The following CDKAL1 variants were observed in gnomAD, a reference collection of about 807,000 sequenced individuals.
The protein encoded by CDKAL1 is CDKAL1 threonylcarbamoyladenosine tRNA methylthiotransferase.
Under a neutral mutation model 68.2 loss-of-function variants are expected in CDKAL1, and 32 were observed. That is an observed-to-expected ratio of 0.47 (90% CI 0.35 to 0.63). CDKAL1 has a LOEUF of 0.63. CDKAL1 is among the 30% of genes least tolerant of loss of function. The pLI is 0.00. For synonymous variants in CDKAL1, 234 were observed against 244.3 expected (o/e 0.96, Z 0.39); for missense variants, 606 against 696.7 (o/e 0.87, Z 1.47).
rs140488365 is a variant in CDKAL1, at chr6:20,578,731, C to T, written c.286+30026C>T. Among the ~76,000 whole-genome samples the T allele has an allele frequency of 2.1e-3, 315 of 152,270 alleles. 2 individuals are homozygous for T. The highest frequency in any genetic ancestry group is 7.2e-3 in the African/African-American group (300 of 41,562). ...GTTTAGTTGTTTACTTAATTCTCTA[C>T]GGCAGACATGTTCGGTGAAAGCATT... On this transcript the variant is annotated intron_variant, in intron 4 of 15. Transcript: ENST00000274695.
intron 9 of CDKAL1, among the ~76,000 whole-genome samples, chr6:20,850,626 C>A (rs1459287781): frequency 6.6e-6 from 1 of 151,998 alleles, no homozygotes; most frequent in African/African-American, 2.4e-5. Context: ...TTGATAGAGA[C>A]AGGGTTTTGC....
chr6:20,537,684 C>T (rs1376113302), intron 2 of CDKAL1, among the ~76,000 whole-genome samples: 1 of 151,076 alleles, frequency 6.6e-6, no homozygotes, highest in Non-Finnish European at 1.5e-5. Context: ...GATATTGCAT[C>T]CTCCTTCTTC....
At chr6:21,030,435 G>A (rs561553114) in intron 11 of CDKAL1, among the ~76,000 whole-genome samples, 4 of 152,170 alleles carry the variant, frequency 2.6e-5, no homozygotes, top group African/African-American at 7.2e-5. Flanking sequence ...CATGGCACAC[G>A]TATACCTATG....
chr6:21,157,826 C>A (rs1171906384), intron 13 of CDKAL1, among the ~76,000 whole-genome samples: 1 of 152,216 alleles, frequency 6.6e-6, no homozygotes, highest in Non-Finnish European at 1.5e-5. Flanking sequence ...ACTTCTCACT[C>A]CATAAGCAAC....
intron 4 of CDKAL1, among the ~76,000 whole-genome samples, chr6:20,616,758 C>G (rs997497109): frequency 2.3e-4 from 35 of 151,376 alleles, no homozygotes; most frequent in African/African-American, 7.8e-4. Context: ...AATCCCAGCA[C>G]TTTGGGAGGC....
chr6:21,162,635 G>A (rs1776972601), intron 13 of CDKAL1, among the ~76,000 whole-genome samples: 1 of 152,196 alleles, frequency 6.6e-6, no homozygotes, highest in Non-Finnish European at 1.5e-5. Flanking sequence ...CCTAGAAAAA[G>A]TCTGGCCTGC....
At chr6:20,974,263 A>G (rs1159270100) in intron 10 of CDKAL1, among the ~76,000 whole-genome samples, 1 of 152,240 alleles carries the variant, frequency 6.6e-6, no homozygotes, top group Non-Finnish European at 1.5e-5. Flanking sequence ...GCCTGACCCA[A>G]AAGTAGCAGA....
chr6:20,604,229 A>T (rs1369533743), intron 4 of CDKAL1, among the ~76,000 whole-genome samples: 1 of 152,134 alleles, frequency 6.6e-6, no homozygotes, highest in Non-Finnish European at 1.5e-5. Flanking sequence ...AGGTGGCTAT[A>T]TTGGCAGGGT....
At chr6:20,560,183 A>G (rs1400293656) in intron 4 of CDKAL1, among the ~76,000 whole-genome samples, 2 of 152,348 alleles carry the variant, frequency 1.3e-5, no homozygotes, top group East Asian at 3.8e-4. Flanking sequence ...TTCATGTTAC[A>G]AATGTTCTTC....
At chr6:20,790,067 A>G in intron 8 of CDKAL1, among the ~76,000 whole-genome samples, 1 of 152,166 alleles carries the variant, frequency 6.6e-6, no homozygotes, top group East Asian at 1.9e-4. Context: ...AAGCTCTGGG[A>G]TTACAGGTGT....
intron 4 of CDKAL1, among the ~76,000 whole-genome samples, chr6:20,583,005 G>T (rs1765199487): frequency 6.6e-6 from 1 of 152,140 alleles, no homozygotes; most frequent in Non-Finnish European, 1.5e-5. Context: ...TAATAAGAAA[G>T]ACTTTCTATG....
chr6:20,617,223 G>A (rs932408440), intron 4 of CDKAL1, among the ~76,000 whole-genome samples: 8 of 152,020 alleles, frequency 5.3e-5, no homozygotes, highest in Admixed American at 5.2e-4. Context: ...AGGGAGATCT[G>A]CCTCTGTATG....
chr6:20,857,355 A>G (rs1759390745), intron 9 of CDKAL1, among the ~76,000 whole-genome samples: 1 of 152,186 alleles, frequency 6.6e-6, no homozygotes, highest in Admixed American at 6.5e-5. Context: ...GAAACAAGGA[A>G]TGAATAAGGA....
At chr6:20,973,078 C>CA (rs34479545) in intron 10 of CDKAL1, among the ~76,000 whole-genome samples, 15 of 136,226 alleles carry the variant, frequency 1.1e-4, no homozygotes, top group South Asian at 4.8e-4. Context: ...AACTCCGTCT[C>CA]AAAAAAAAAA....
intron 13 of CDKAL1, among the ~76,000 whole-genome samples, chr6:21,143,358 T>C (rs1029892668): frequency 6.6e-6 from 1 of 152,196 alleles, no homozygotes; most frequent in African/African-American, 2.4e-5. Flanking sequence ...TGTTGTGTCA[T>C]GAAAGCAAGT....
chr6:20,981,580 G>A (rs1251656907), intron 10 of CDKAL1, among the ~76,000 whole-genome samples: 2 of 152,164 alleles, frequency 1.3e-5, no homozygotes, highest in African/African-American at 4.8e-5. Context: ...AGTGGCTCAC[G>A]CCTGTAATCC....
chr6:20,737,233 C>A (rs1363888983), intron 5 of CDKAL1, among the ~76,000 whole-genome samples: 3 of 152,156 alleles, frequency 2.0e-5, no homozygotes, highest in Non-Finnish European at 4.4e-5. Context: ...CTGTGTTTTC[C>A]TTTCTGCATA....
intron 13 of CDKAL1, among the ~76,000 whole-genome samples, chr6:21,157,950 C>T (rs750253112): frequency 6.6e-6 from 1 of 152,148 alleles, no homozygotes; most frequent in Non-Finnish European, 1.5e-5. Flanking sequence ...ACTTGTGGAG[C>T]AATATGATAT....
intron 10 of CDKAL1, among the ~76,000 whole-genome samples, chr6:20,985,864 G>A (rs1009378026): frequency 3.3e-5 from 5 of 151,328 alleles, no homozygotes; most frequent in Non-Finnish European, 5.9e-5. Flanking sequence ...AGGTGGGGGA[G>A]AGAATTGCCT....
Sources: gnomAD v4.1 joint callset for allele counts (sites outside exome capture counted in the v4.1 genomes callset) on GRCh38, gnomAD v4.1.1 for gene constraint, MANE v1.5 for transcripts, NCBI Gene and HGNC (gene_info 2026-07-23, HGNC 2026-07-21) for gene names.